The following LMX1B variants were observed in gnomAD, a reference collection of about 807,000 sequenced individuals.
The protein encoded by LMX1B is LIM homeobox transcription factor 1-beta.
In LMX1B, 12 loss-of-function variants were observed where a neutral mutation model predicts 51.4. That is an observed-to-expected ratio of 0.23 (90% CI 0.15 to 0.38). LMX1B has a LOEUF of 0.38. LMX1B is among the 10% of genes least tolerant of loss of function. The pLI is 1.00. For synonymous variants in LMX1B, 237 were observed against 235.4 expected, an observed-to-expected ratio of 1.01 and a Z score of -0.06; for missense variants, 445 against 571.1, an observed-to-expected ratio of 0.78 and a Z score of 2.25.
At chr9:126,690,758 G>A in intron 2 of LMX1B, 78 bp from the exon 3 acceptor site, 4 of 1,308,334 alleles carry the variant, frequency 3.1e-6, no homozygotes, top group Non-Finnish European at 3.2e-6. Flanking sequence ...GGTGGCAAGA[G>A]GGAGAGGCCC....
rs552025674 is a variant in LMX1B at position 126,625,704 on chromosome 9, TCCGCCG to T, written c.326+10147_326+10152del. On this transcript the variant is annotated intron_variant, in intron 2 of 7. Transcript: ENST00000373474. This position sits in a 1 kb window ranked among gnomAD's most constrained non-coding sequence, Gnocchi z 5.3. The stretch of plus-strand genomic sequence containing the variant: ...GGCCCGTGGCGCCTTTCTCGCCACC[TCCGCCG>T]CCGCCGCCGCCACCCTCGTCCCACC... 2.0e-5 allele frequency among the ~76,000 whole-genome samples: 3 copies of T among 152,046 alleles called. No homozygotes were observed. Among genetic ancestry groups the T allele is most frequent in the East Asian group, 1.9e-4 (1 of 5,170 alleles).
intron 2 of LMX1B, among the ~76,000 whole-genome samples, chr9:126,636,919 C>A (rs1835723218): frequency 6.6e-6 from 1 of 152,168 alleles, no homozygotes; most frequent in South Asian, 2.1e-4. Context: ...GTGCACATGA[C>A]AAGTGGTGAG....
At chr9:126,620,462 T>C (rs1835386581) in intron 2 of LMX1B, among the ~76,000 whole-genome samples, 1 of 152,188 alleles carries the variant, frequency 6.6e-6, no homozygotes, top group Admixed American at 6.5e-5. Context: ...AAATATTCCA[T>C]TCTCCGGGGG....
At chr9:126,689,942 A>G (rs2030061351) in intron 2 of LMX1B, among the ~76,000 whole-genome samples, 1 of 152,242 alleles carries the variant, frequency 6.6e-6, no homozygotes, top group African/African-American at 2.4e-5. Context: ...TGCTTAGAGC[A>G]GGGCTGGCAC....
chr9:126,683,801 G>A (rs1031316745), intron 2 of LMX1B, among the ~76,000 whole-genome samples: 2 of 152,246 alleles, frequency 1.3e-5, no homozygotes, highest in Non-Finnish European at 1.5e-5. Flanking sequence ...TTCAGAGAGC[G>A]GAGAGGGCTT....
At chr9:126,681,083 GC>G (rs1268556975) in intron 2 of LMX1B, among the ~76,000 whole-genome samples, 1 of 152,152 alleles carries the variant, frequency 6.6e-6, no homozygotes, top group African/African-American at 2.4e-5. Context: ...GGAAGTCAGA[GC>G]CCCAAAGGTG....
intron 2 of LMX1B, among the ~76,000 whole-genome samples, chr9:126,665,529 G>A (rs1368825878): frequency 1.3e-5 from 2 of 152,264 alleles, no homozygotes; most frequent in Admixed American, 1.3e-4. Context: ...GGGAGGGTGA[G>A]TCTGGAGGAG....
At position 126,615,697 on chromosome 9, in the gene LMX1B, G is replaced by A; in HGVS notation, c.326+128G>A. ...GCGGCTGGGCCGGGCAGCTCCAAGG[G>A]TTCCGAGAGCTGCGCGTCTTGGGGC... On this transcript the variant is annotated intron_variant, in intron 2 of 7. Coordinates refer to ENST00000373474, the MANE Select transcript of LMX1B (RefSeq NM_001174147.2). This position sits in a 1 kb window ranked among gnomAD's most constrained non-coding sequence, Gnocchi z 6.0. 1.2e-6 allele frequency: 1 copy of A among 829,094 alleles called. No homozygotes were observed. The highest frequency in any genetic ancestry group is 2.0e-5 in the South Asian group (1 of 49,166). 51.4% of individuals were successfully genotyped at this position (829,094 alleles called of 1,614,324 possible). A position where few individuals can be genotyped will look rare whatever the true frequency, so the allele number is the denominator to read the frequency against.
chr9:126,637,934 C>T (rs1316017931), intron 2 of LMX1B, among the ~76,000 whole-genome samples: 3 of 150,664 alleles, frequency 2.0e-5, no homozygotes, highest in Non-Finnish European at 2.9e-5. Flanking sequence ...AAGGGATGGA[C>T]ACCCAGGGCC....
Position 126,658,433 on chromosome 9 carries a change from G to A in LMX1B, c.327-32403G>A, listed in dbSNP as rs1450499539. Among the ~76,000 whole-genome samples, 2 of 151,822 alleles carry A rather than the reference G, an allele frequency of 1.3e-5. No individual in the cohort carries two copies. Among genetic ancestry groups the A allele is most frequent in the South Asian group, 2.1e-4 (1 of 4,822 alleles). Reference sequence around the variant, plus strand: ...CTGCTGACCCCCTGCCCTCCCTGCCGCCTGCCAGCCCCCTCCCTCTGGTCC... The same window carrying A: ...CTGCTGACCCCCTGCCCTCCCTGCCACCTGCCAGCCCCCTCCCTCTGGTCC... On this transcript the variant is annotated intron_variant, in intron 2 of 7. Coordinates refer to ENST00000373474, the MANE Select transcript of LMX1B (RefSeq NM_001174147.2). This position sits in a 1 kb window ranked among gnomAD's most constrained non-coding sequence, Gnocchi z 4.0.
rs1205268177 is a variant in LMX1B at position 126,615,355 on chromosome 9, G to T, written c.140-28G>T. The stretch of plus-strand genomic sequence containing the variant: ...CGGGGCTGGGCCGGGCGGCGCTGAC[G>T]GCCGGGCTTTCGCCCTGTGCGCTAC... On this transcript the variant is annotated intron_variant, in intron 1 of 7. Transcript: ENST00000373474. The surrounding 1 kb of genome is among the most constrained non-coding windows in gnomAD (Gnocchi z 6.0). The T allele has an allele frequency of 2.0e-6, 3 of 1,526,454 alleles. No homozygotes were observed. In the Admixed American group the frequency reaches 5.9e-5, roughly 30 times the overall value. The allele number at this position is 1,526,454 out of a possible 1,614,324, so 94.6% of individuals were successfully genotyped here.
chr9:126,666,550 A>G (rs1313179613), intron 2 of LMX1B, among the ~76,000 whole-genome samples: 1 of 145,554 alleles, frequency 6.9e-6, no homozygotes, highest in Admixed American at 6.9e-5. Flanking sequence ...GAAGAAGGGA[A>G]GTGAGAAAAA....
At chr9:126,666,265 C>T (rs115063280) in intron 2 of LMX1B, among the ~76,000 whole-genome samples, 2,392 of 152,296 alleles carry the variant, frequency 0.016, 68 homozygotes, top group African/African-American at 0.055. Flanking sequence ...CGAATCCAGC[C>T]TGGAAGGATG....
In LMX1B at chr9:126,621,920, G is replaced by A. The variant is rs527316579; in HGVS notation, c.326+6351G>A. Among the ~76,000 whole-genome samples, 64 of 152,226 alleles carry A rather than the reference G, an allele frequency of 4.2e-4. 1 individual carries two copies. In the South Asian group the frequency reaches 0.012, roughly 29 times the overall value. ...TGGCAACTTTCTTGGGTTTCAGGCC[G>A]GCTGACAGCACTTCCTCTCTGCCCT... On this transcript the variant is annotated intron_variant, in intron 2 of 7. Transcript: ENST00000373474.
rs1465682307 is a variant in LMX1B at position 126,695,546 on chromosome 9, C to T, written c.887-293C>T. Among the ~76,000 whole-genome samples the T allele has an allele frequency of 6.6e-6, 1 of 152,210 alleles. No individual in the cohort carries two copies. Among genetic ancestry groups the T allele is most frequent in the African/African-American group, 2.4e-5 (1 of 41,448 alleles). On this transcript the variant is annotated intron_variant, in intron 6 of 7. Coordinates refer to ENST00000373474, the MANE Select transcript of LMX1B (RefSeq NM_001174147.2). The surrounding 1 kb of genome is among the most constrained non-coding windows in gnomAD (Gnocchi z 5.2). ...GGGACCTTGGTGCTCCCAGATGCAG[C>T]GCAGAATCACTATTGCCTGTGTGGG...
Position 126,613,945 on chromosome 9 carries a change from C to G in LMX1B, c.-505C>G, listed in dbSNP as rs991334224. 6.8e-6 allele frequency among the ~76,000 whole-genome samples: 1 copy of G among 146,650 alleles called. No individual in the cohort carries two copies. The highest frequency in any genetic ancestry group is 1.5e-5 in the Non-Finnish European group (1 of 65,916). ...CCGCCGCCAGCCCCAGCTCTAAACCCGGCGGCTCAGCGGGCGCACCATGGC... is the reference window on the plus strand; with the variant it reads ...CCGCCGCCAGCCCCAGCTCTAAACCGGGCGGCTCAGCGGGCGCACCATGGC... On this transcript the variant is annotated 5_prime_UTR_variant, in exon 1 of 8. Transcript: ENST00000373474. This position sits in a 1 kb window ranked among gnomAD's most constrained non-coding sequence, Gnocchi z 4.5.
chr9:126,693,836 C>T, intron 6 of LMX1B, 24 bp downstream of exon 6: 1 of 1,125,636 alleles, frequency 8.9e-7, no homozygotes, highest in Non-Finnish European at 1.3e-6. Flanking sequence ...GGGGCAGGGC[C>T]TGGGCCAGGG....
chr9:126,656,434 GATAGGATA>G (rs921762759), intron 2 of LMX1B, among the ~76,000 whole-genome samples: 1 of 147,252 alleles, frequency 6.8e-6, no homozygotes, highest in Non-Finnish European at 1.5e-5. Flanking sequence ...TAGATAGATA[GATAGGATA>G]GATAGATCCT....
At chr9:126,690,483 G>C (rs1297044315) in intron 2 of LMX1B, among the ~76,000 whole-genome samples, 1 of 152,222 alleles carries the variant, frequency 6.6e-6, no homozygotes, top group African/African-American at 2.4e-5. Context: ...GAGGTAGAAA[G>C]GATCCTTTCC....
Sources: gnomAD v4.1 joint callset for allele counts (sites outside exome capture counted in the v4.1 genomes callset) on GRCh38, gnomAD v4.1.1 for gene constraint, Gnocchi (gnomAD v3.1) non-coding constraint, MANE v1.5 for transcripts, NCBI Gene and HGNC (gene_info 2026-07-23, HGNC 2026-07-21) for gene names.